DZIP1L: variants seen among roughly 807,000 people sequenced by gnomAD.
The protein encoded by DZIP1L is DAZ interacting zinc finger protein 1 like, also known as cilium assembly protein DZIP1L.
DZIP1L carries 90 observed loss-of-function variants against 88.7 expected under a neutral mutation model. That is an observed-to-expected ratio of 1.02 (90% CI 0.86 to 1.21). DZIP1L has a LOEUF of 1.21. Ranked by LOEUF, DZIP1L falls within the 50% of genes most tolerant of loss-of-function variation. DZIP1L has a pLI of 0.00. For missense variants in DZIP1L, 932 were observed against 955.8 expected (o/e 0.98, Z 0.33); for synonymous variants, 363 against 372.1 (o/e 0.98, Z 0.28).
chr3:138,090,847 T>C (rs894306314), intron 5 of DZIP1L, among the ~76,000 whole-genome samples: 2 of 152,066 alleles, frequency 1.3e-5, no homozygotes, highest in Non-Finnish European at 2.9e-5. Context: ...ACAGTTTTAG[T>C]CATGCAGGTT....
chr3:138,104,387 CAG>C (rs2042418376), intron 1 of DZIP1L, among the ~76,000 whole-genome samples: 1 of 152,272 alleles, frequency 6.6e-6, no homozygotes, highest in Non-Finnish European at 1.5e-5. Flanking sequence ...AGCAGGTCCT[CAG>C]TGAGCCCCCT....
At chr3:138,067,830 A>G in intron 13 of DZIP1L, 130 bp from the exon 14 acceptor site, 1 of 1,119,956 alleles carries the variant, frequency 8.9e-7, no homozygotes, top group Non-Finnish European at 1.2e-6. Context: ...CAGGCCCAGA[A>G]GACAGCCAGG....
rs142617141 is a variant in DZIP1L, at chr3:138,062,836, G to C, written c.2284C>G (p.Pro762Ala). 1 of 1,614,080 alleles carries C rather than the reference G, an allele frequency of 6.2e-7. No homozygotes were observed. The highest frequency in any genetic ancestry group is 8.5e-7 in the Non-Finnish European group (1 of 1,180,040). The change falls in exon 16 of 16, where the codon CCC becomes GCC. Residue 762 changes from proline to alanine, a missense_variant. Pro to Ala is a conservative substitution (Grantham distance 27, BLOSUM62 -1). Transcript: ENST00000327532. ...GTGAATCACCAGGCAGGGACCCTGG[G>C]TTGGCCAGAGCTCTGTGGACCAGTG... Reference protein sequence around the residue: ...FGTGPQSSGQPRVPAW With the variant: ...FGTGPQSSGQARVPAW
chr3:138,067,390 T>C (rs1375866204), intron 14 of DZIP1L, 141 bp downstream of exon 14: 3 of 1,002,012 alleles, frequency 3.0e-6, no homozygotes, highest in Non-Finnish European at 4.1e-6. Flanking sequence ...GGACCATCCT[T>C]TCCAAGCCAA....
intron 2 of DZIP1L, chr3:138,102,850 C>T: frequency 4.3e-6 from 3 of 695,308 alleles, no homozygotes; most frequent in Non-Finnish European, 7.9e-6. Context: ...CATGTAGAAG[C>T]AGCTGCTGAA....
intron 14 of DZIP1L, among the ~76,000 whole-genome samples, chr3:138,065,716 G>A (rs1942862443): frequency 6.6e-6 from 1 of 152,224 alleles, no homozygotes; most frequent in Non-Finnish European, 1.5e-5. Flanking sequence ...GAAATTTGCA[G>A]ACCGCAAGCC....
chr3:138,114,574 T>C (rs972586778), intron 1 of DZIP1L, among the ~76,000 whole-genome samples: 4 of 152,092 alleles, frequency 2.6e-5, no homozygotes, highest in Non-Finnish European at 5.9e-5. Flanking sequence ...ACCCACCCTA[T>C]CTGCAGATGA....
intron 3 of DZIP1L, 86 bp from the exon 4 acceptor site, chr3:138,095,069 C>T: frequency 6.3e-7 from 1 of 1,587,440 alleles, no homozygotes; most frequent in Non-Finnish European, 8.6e-7. Flanking sequence ...TCAGCCATAC[C>T]TCGGTCTCAA....
intron 6 of DZIP1L, among the ~76,000 whole-genome samples, chr3:138,088,015 C>G (rs944385343): frequency 2.6e-5 from 4 of 152,206 alleles, no homozygotes; most frequent in Non-Finnish European, 5.9e-5. Context: ...TTCCAGAGAG[C>G]TGGTTGCTAA....
chr3:138,112,902 G>A (rs148238404), intron 1 of DZIP1L, among the ~76,000 whole-genome samples: 1,539 of 152,072 alleles, frequency 0.01, 28 homozygotes, highest in African/African-American at 0.034. Context: ...AGCCGAGATC[G>A]CACCATTGCA....
intron 15 of DZIP1L, chr3:138,064,416 C>T (rs2107727117): frequency 6.7e-7 from 1 of 1,490,608 alleles, no homozygotes; most frequent in African/African-American, 1.4e-5. Context: ...TATAATGAAC[C>T]AAAAGGCTTT....
intron 2 of DZIP1L, chr3:138,101,647 C>T (rs1304341506): frequency 2.5e-6 from 2 of 791,244 alleles, no homozygotes; most frequent in Non-Finnish European, 2.3e-6. Context: ...GCTTGTGAGG[C>T]CCCCATAGGC....
chr3:138,085,138 A>C (rs1454326862), intron 7 of DZIP1L, among the ~76,000 whole-genome samples: 2 of 152,354 alleles, frequency 1.3e-5, no homozygotes, highest in South Asian at 2.1e-4. Context: ...CGTTAGACCT[A>C]AAACCATAAA....
intron 6 of DZIP1L, among the ~76,000 whole-genome samples, chr3:138,088,033 C>A (rs779136471): frequency 1.3e-5 from 2 of 152,190 alleles, no homozygotes; most frequent in Non-Finnish European, 2.9e-5. Flanking sequence ...TAAACAACTA[C>A]CATCACAACA....
At chr3:138,091,951 G>A (rs746069848) in intron 5 of DZIP1L, among the ~76,000 whole-genome samples, 17 of 152,102 alleles carry the variant, frequency 1.1e-4, no homozygotes, top group Non-Finnish European at 1.8e-4. Flanking sequence ...ATATTTGTTG[G>A]GAGAAAAATG....
At chr3:138,091,848 T>C (rs1944251469) in intron 5 of DZIP1L, among the ~76,000 whole-genome samples, 1 of 152,318 alleles carries the variant, frequency 6.6e-6, no homozygotes, top group East Asian at 1.9e-4. Flanking sequence ...TAAAGTATAC[T>C]GCATGGGGGC....
At chr3:138,092,234 TG>T in intron 5 of DZIP1L, 148 bp downstream of exon 5, 1 of 849,536 alleles carries the variant, frequency 1.2e-6, no homozygotes, top group Non-Finnish European at 1.7e-6. Flanking sequence ...GTCTGAAATC[TG>T]GGCCTCTAAT....
At chr3:138,065,830 G>A (rs1227639228) in intron 14 of DZIP1L, among the ~76,000 whole-genome samples, 1 of 152,220 alleles carries the variant, frequency 6.6e-6, no homozygotes, top group African/African-American at 2.4e-5. Flanking sequence ...ACTGAAGCCA[G>A]AAGCTACAGG....
At chr3:138,078,173 G>A (rs1465105489) in intron 10 of DZIP1L, among the ~76,000 whole-genome samples, 1 of 152,198 alleles carries the variant, frequency 6.6e-6, no homozygotes, top group East Asian at 1.9e-4. Flanking sequence ...AGCAAAATAA[G>A]CAATTACAAT....
Sources: gnomAD v4.1 joint callset for allele counts (sites outside exome capture counted in the v4.1 genomes callset) on GRCh38, gnomAD v4.1.1 for gene constraint, MANE v1.5 for transcripts, NCBI Gene and HGNC (gene_info 2026-07-23, HGNC 2026-07-21) for gene names.